Variants in PUM3 observed in about 807,000 individuals in gnomAD.
The protein encoded by PUM3 is pumilio homolog 3.
Under a neutral mutation model 84.0 loss-of-function variants are expected in PUM3, and 91 were observed. The ratio of observed to expected loss-of-function variants is 1.08; its 90% CI spans 0.91 to 1.29. The LOEUF (loss-of-function observed/expected upper bound fraction) is 1.29. PUM3 is among the 50% of genes most tolerant of loss of function. PUM3 has a pLI of 0.00. For synonymous variants in PUM3, 321 were observed against 266.7 expected, an observed-to-expected ratio of 1.20 and a Z score of -1.98; for missense variants, 1,067 against 767.5, an observed-to-expected ratio of 1.39 and a Z score of -4.61.
chr9:2,843,212 G>C lies in PUM3; in HGVS notation c.-11+833C>G, dbSNP rs539488334. Reference sequence around the variant, plus strand: ...GACCTTCAAGGCCCTACAGAACCTAGTTCCACTCTATCCGGCTAACTTTAT... The same window carrying C: ...GACCTTCAAGGCCCTACAGAACCTACTTCCACTCTATCCGGCTAACTTTAT... On this transcript the variant is annotated intron_variant, in intron 1 of 17. Transcript: ENST00000397885. Among the ~76,000 whole-genome samples the C allele has an allele frequency of 2.0e-5, 3 of 152,258 alleles. No homozygotes were observed. In the East Asian group the frequency reaches 5.8e-4, roughly 29 times the overall value.
At chr9:2,840,870 T>TA (rs1279632563) in intron 1 of PUM3, among the ~76,000 whole-genome samples, 1 of 152,252 alleles carries the variant, frequency 6.6e-6, no homozygotes, top group Non-Finnish European at 1.5e-5. Context: ...GAATGGTATT[T>TA]AAAAACCAAG....
At chr9:2,812,141 G>C (rs1411097750) in intron 14 of PUM3, 79 bp downstream of exon 14, 3 of 1,223,234 alleles carry the variant, frequency 2.5e-6, no homozygotes, top group African/African-American at 1.5e-5. Flanking sequence ...GTATGGATGG[G>C]TAAGTGGACT....
chr9:2,821,298 G>C (rs113371524), intron 12 of PUM3, among the ~76,000 whole-genome samples: 6 of 151,868 alleles, frequency 4.0e-5, no homozygotes. Flanking sequence ...CAAAACATTA[G>C]CTGGGCATGG....
chr9:2,839,679 C>G (rs1246815309), intron 1 of PUM3, among the ~76,000 whole-genome samples: 1 of 152,062 alleles, frequency 6.6e-6, no homozygotes, highest in Non-Finnish European at 1.5e-5. Flanking sequence ...ATGGACAGTC[C>G]CTGAATTACT....
intron 9 of PUM3, 110 bp downstream of exon 9, chr9:2,828,564 AG>A (rs1380889980): frequency 1.5e-6 from 1 of 663,950 alleles, no homozygotes; most frequent in Non-Finnish European, 2.6e-6. Context: ...TATTTAGAAT[AG>A]ATTAATACTT....
intron 13 of PUM3, among the ~76,000 whole-genome samples, chr9:2,816,760 G>C (rs542161937): frequency 6.6e-6 from 1 of 152,154 alleles, no homozygotes; most frequent in African/African-American, 2.4e-5. Flanking sequence ...CTCAAGGAAA[G>C]GATGGCAAAG....
At chr9:2,821,390 G>A (rs900541930) in intron 12 of PUM3, among the ~76,000 whole-genome samples, 5 of 138,320 alleles carry the variant, frequency 3.6e-5, no homozygotes, top group Admixed American at 2.4e-4. Flanking sequence ...CTTGCAGTGA[G>A]CCCAGATCGC....
chr9:2,820,155 A>G, intron 12 of PUM3, 57 bp from the exon 13 acceptor site: 1 of 949,986 alleles, frequency 1.1e-6, no homozygotes, highest in Non-Finnish European at 1.7e-6. Context: ...CTTCCCTCTT[A>G]TTTCACACAT....
intron 7 of PUM3, among the ~76,000 whole-genome samples, chr9:2,830,458 C>CT (rs1815946076): frequency 6.6e-6 from 1 of 152,190 alleles, no homozygotes; most frequent in African/African-American, 2.4e-5. Context: ...CACTGACCCT[C>CT]TATCAGTTTA....
At chr9:2,812,617 TAAC>T (rs1036971178) in intron 13 of PUM3, among the ~76,000 whole-genome samples, 59 of 152,336 alleles carry the variant, frequency 3.9e-4, no homozygotes, top group African/African-American at 1.4e-3. Context: ...AATACATACT[TAAC>T]TACTATTTTT....
chr9:2,810,555 C>G lies in PUM3; in HGVS notation c.1636-124G>C. ...GGACTCAGCCACTTTTAAAGTTCCA[C>G]AGGCTTAAGAGGTCTTTATCTAGGA... On this transcript the variant is annotated intron_variant, in intron 15 of 17. Coordinates refer to ENST00000397885, the MANE Select transcript of PUM3 (RefSeq NM_014878.5). The G allele has an allele frequency of 4.7e-6, 3 of 644,230 alleles. No homozygotes were observed. In the East Asian group the frequency reaches 8.5e-5, roughly 18 times the overall value. 39.9% of individuals were successfully genotyped at this position (644,230 alleles called of 1,614,324 possible).
At chr9:2,808,489 T>C (rs954101901) in intron 16 of PUM3, among the ~76,000 whole-genome samples, 1 of 152,246 alleles carries the variant, frequency 6.6e-6, no homozygotes, top group Non-Finnish European at 1.5e-5. Context: ...ATTATCTTTT[T>C]CACTTTGCAA....
intron 1 of PUM3, among the ~76,000 whole-genome samples, chr9:2,841,856 G>C (rs1041122855): frequency 1.1e-4 from 17 of 152,128 alleles, no homozygotes; most frequent in African/African-American, 3.6e-4. Flanking sequence ...TATTAAATGT[G>C]CATATAGTCA....
At chr9:2,839,846 T>G (rs1484462514) in intron 1 of PUM3, among the ~76,000 whole-genome samples, 1 of 152,242 alleles carries the variant, frequency 6.6e-6, no homozygotes, top group Non-Finnish European at 1.5e-5. Context: ...AATTTTTATA[T>G]TGAAATAATT....
At chr9:2,842,198 G>A (rs1427105470) in intron 1 of PUM3, among the ~76,000 whole-genome samples, 1 of 152,114 alleles carries the variant, frequency 6.6e-6, no homozygotes, top group South Asian at 2.1e-4. Context: ...GTGTCTCTTG[G>A]AATTCGCCCC....
At chr9:2,812,486 A>G (rs1821394723) in intron 13 of PUM3, 124 bp from the exon 14 acceptor site, 2 of 667,652 alleles carry the variant, frequency 3.0e-6, no homozygotes, top group Non-Finnish European at 5.0e-6. Flanking sequence ...TTCCTATAAA[A>G]TTATAGTATA....
At chr9:2,834,926 T>C (rs888780206) in intron 3 of PUM3, among the ~76,000 whole-genome samples, 2 of 152,082 alleles carry the variant, frequency 1.3e-5, no homozygotes, top group African/African-American at 4.8e-5. Flanking sequence ...ATGGGTATTA[T>C]TTACATGAGT....
At chr9:2,814,470 C>CA (rs1344066531) in intron 13 of PUM3, among the ~76,000 whole-genome samples, 1 of 152,174 alleles carries the variant, frequency 6.6e-6, no homozygotes, top group Admixed American at 6.5e-5. Context: ...CTCAGCCTCC[C>CA]AAACTGCTGG....
chr9:2,815,972 G>C (rs951530935), intron 13 of PUM3, among the ~76,000 whole-genome samples: 2 of 152,204 alleles, frequency 1.3e-5, no homozygotes, highest in Non-Finnish European at 2.9e-5. Flanking sequence ...ACTCCAGCTA[G>C]ATACCTTGGC....
Sources: allele counts gnomAD v4.1 joint callset (sites outside exome capture counted in the v4.1 genomes callset), GRCh38; gene constraint gnomAD v4.1.1; transcripts MANE v1.5; gene names NCBI Gene and HGNC (gene_info 2026-07-23, HGNC 2026-07-21).